WWOX: variants seen among roughly 807,000 people sequenced by gnomAD.
WWOX encodes the protein WW domain-containing oxidoreductase.
Under a neutral mutation model 46.2 loss-of-function variants are expected in WWOX, and 69 were observed. The ratio of observed to expected loss-of-function variants is 1.49; its 90% CI spans 1.23 to 1.82. WWOX has a LOEUF of 1.82. WWOX is among the 40% of genes most tolerant of loss of function. The pLI is 0.00. For synonymous variants in WWOX, 359 were observed against 202.6 expected (o/e 1.77, Z -6.56); for missense variants, 919 against 542.6 (o/e 1.69, Z -6.89).
At chr16:78,876,588 T>G (rs2044238996) in intron 8 of WWOX, among the ~76,000 whole-genome samples, 1 of 152,170 alleles carries the variant, frequency 6.6e-6, no homozygotes. Context: ...GTTAATGCTT[T>G]CGACTTATTT....
intron 8 of WWOX, among the ~76,000 whole-genome samples, chr16:78,473,604 C>T (rs1026984985): frequency 2.0e-5 from 3 of 152,176 alleles, no homozygotes; most frequent in Admixed American, 1.3e-4. Context: ...TGTTGTCCCT[C>T]CTTTCCTAAG....
At chr16:79,097,493 C>T (rs1399602031) in intron 8 of WWOX, among the ~76,000 whole-genome samples, 2 of 151,910 alleles carry the variant, frequency 1.3e-5, no homozygotes, top group African/African-American at 2.4e-5. Context: ...ATATTTTGTT[C>T]GCAGTGGCAC....
chr16:78,592,574 C>G (rs10163280), intron 8 of WWOX, among the ~76,000 whole-genome samples: 9,755 of 152,136 alleles, frequency 0.064, 454 homozygotes, highest in East Asian at 0.21. Flanking sequence ...AGGAAGAAGC[C>G]TCAGTGGGGT....
At chr16:78,100,200 C>T in intron 1 of WWOX, 5 of 1,202,486 alleles carry the variant, frequency 4.2e-6, no homozygotes, top group South Asian at 2.0e-5. Flanking sequence ...AAAAAGCGCA[C>T]ATGCTCAGCT....
At chr16:79,145,346 C>G (rs975615383) in intron 8 of WWOX, among the ~76,000 whole-genome samples, 2 of 152,054 alleles carry the variant, frequency 1.3e-5, no homozygotes, top group South Asian at 2.1e-4. Flanking sequence ...AAAACACTTT[C>G]AGTAGAGTCA....
intron 5 of WWOX, among the ~76,000 whole-genome samples, chr16:78,279,340 A>C (rs1175331366): frequency 1.3e-5 from 2 of 152,196 alleles, no homozygotes; most frequent in African/African-American, 4.8e-5. Context: ...CTCCTATAAA[A>C]TATGAGTCTA....
At chr16:78,681,056 C>T (rs1348526332) in intron 8 of WWOX, among the ~76,000 whole-genome samples, 1 of 152,148 alleles carries the variant, frequency 6.6e-6, no homozygotes, top group Non-Finnish European at 1.5e-5. Flanking sequence ...CGAGACCACC[C>T]TGGCTAACAT....
intron 8 of WWOX, among the ~76,000 whole-genome samples, chr16:78,568,605 AGCT>A (rs1385430832): frequency 6.6e-6 from 1 of 151,088 alleles, no homozygotes; most frequent in Non-Finnish European, 1.5e-5. Context: ...CCTCCCGAGT[AGCT>A]GGGATTACAG....
At chr16:78,418,260 A>G (rs1248577888) in intron 6 of WWOX, among the ~76,000 whole-genome samples, 1 of 152,014 alleles carries the variant, frequency 6.6e-6, no homozygotes, top group Non-Finnish European at 1.5e-5. Flanking sequence ...GCTACTTGGG[A>G]GGCTGAGGCA....
intron 8 of WWOX, among the ~76,000 whole-genome samples, chr16:78,746,674 C>T (rs550656280): frequency 6.6e-6 from 1 of 151,838 alleles, no homozygotes; most frequent in African/African-American, 2.4e-5. Flanking sequence ...TGGCTTTGTA[C>T]TCCTGCATTT....
chr16:78,383,526 A>C (rs576887098), intron 5 of WWOX, among the ~76,000 whole-genome samples: 3 of 152,290 alleles, frequency 2.0e-5, no homozygotes, highest in East Asian at 1.9e-4. Context: ...AACAATCAGC[A>C]GTTCACCTCT....
At chr16:79,011,491 ATTTATTTATTTATTTT>A (rs2047308517) in intron 8 of WWOX, among the ~76,000 whole-genome samples, 2 of 144,038 alleles carry the variant, frequency 1.4e-5, no homozygotes, top group South Asian at 2.2e-4. Context: ...TTATTTATTT[ATTTATTTATTTATTTT>A]TTGAGACAGG....
At chr16:78,911,428 C>T (rs1467295096) in intron 8 of WWOX, among the ~76,000 whole-genome samples, 1 of 151,934 alleles carries the variant, frequency 6.6e-6, no homozygotes, top group Non-Finnish European at 1.5e-5. Flanking sequence ...CAGATCCTGA[C>T]TTTTGTGGAG....
At chr16:79,121,004 G>T (rs1348725703) in intron 8 of WWOX, among the ~76,000 whole-genome samples, 1 of 152,092 alleles carries the variant, frequency 6.6e-6, no homozygotes, top group African/African-American at 2.4e-5. Flanking sequence ...CGTGACCTCA[G>T]GTGATCCACC....
At position 78,751,461 on chromosome 16, in the gene WWOX, TTATATATATA is replaced by T. The variant is rs71140824; in HGVS notation, c.1056+318727_1056+318736del. 3.1e-5 allele frequency among the ~76,000 whole-genome samples: 4 copies of T among 128,438 alleles called. No homozygotes were observed. The South Asian group carries it at 7.6e-4, about 24-fold the overall frequency. 84.3% of individuals were successfully genotyped at this position (128,438 alleles called of 152,430 possible). A position where few individuals can be genotyped will look rare whatever the true frequency, so the allele number is the denominator to read the frequency against. ...AGATTATATATATATTTATCAGATTTTATATATATATATATATATATATATATGCATATGT... is the reference window on the plus strand; with the variant it reads ...AGATTATATATATATTTATCAGATTTTATATATATATATATATGCATATGT... On this transcript the variant is annotated intron_variant, in intron 8 of 8. Transcript: ENST00000566780.
chr16:78,310,075 C>A (rs999352602), intron 5 of WWOX, among the ~76,000 whole-genome samples: 30 of 152,068 alleles, frequency 2.0e-4, no homozygotes, highest in African/African-American at 6.8e-4. Flanking sequence ...TTCCCCCTCT[C>A]TTTTTCCTTT....
intron 8 of WWOX, among the ~76,000 whole-genome samples, chr16:78,700,014 G>T (rs1110556): frequency 6.6e-6 from 1 of 151,598 alleles, no homozygotes; most frequent in Non-Finnish European, 1.5e-5. Flanking sequence ...AGGGTCCTGC[G>T]GTGGGTGGAT....
chr16:79,140,877 T>G (rs1390395896), intron 8 of WWOX, among the ~76,000 whole-genome samples: 1 of 152,188 alleles, frequency 6.6e-6, no homozygotes, highest in Non-Finnish European at 1.5e-5. Flanking sequence ...GTTTCACACC[T>G]CTGTTCTGCA....
chr16:79,026,534 A>G (rs924522931), intron 8 of WWOX, among the ~76,000 whole-genome samples: 4 of 150,666 alleles, frequency 2.7e-5, no homozygotes, highest in Non-Finnish European at 5.9e-5. Context: ...AATGATCTCT[A>G]TCTAGAAAGA....
Sources: gnomAD v4.1 joint callset for allele counts (sites outside exome capture counted in the v4.1 genomes callset) on GRCh38, gnomAD v4.1.1 for gene constraint, MANE v1.5 for transcripts, NCBI Gene and HGNC (gene_info 2026-07-23, HGNC 2026-07-21) for gene names.